FOCAD: variants seen among roughly 807,000 people sequenced by gnomAD.
The protein encoded by FOCAD is KIAA1797.
FOCAD carries 198 observed loss-of-function variants against 225.6 expected under a neutral mutation model. The ratio of observed to expected loss-of-function variants is 0.88; its 90% CI spans 0.78 to 0.99. FOCAD has a LOEUF of 0.99. FOCAD is among the 50% of genes least tolerant of loss of function. The probability of loss-of-function intolerance (pLI) is 0.00; values close to 1 mark genes in which losing one functional copy is unlikely to be tolerated. For missense variants in FOCAD, 2,713 were observed against 2,123.6 expected (o/e 1.28, Z -5.46); for synonymous variants, 897 against 755.0 (o/e 1.19, Z -3.08).
chr9:20,956,665 T>C (rs1451778705), intron 35 of FOCAD, among the ~76,000 whole-genome samples: 2 of 152,224 alleles, frequency 1.3e-5, no homozygotes, highest in Non-Finnish European at 2.9e-5. Context: ...TTCTGGACAT[T>C]TGTCAATAGC....
At chr9:20,833,959 T>G (rs1825750094) in intron 15 of FOCAD, among the ~76,000 whole-genome samples, 1 of 152,116 alleles carries the variant, frequency 6.6e-6, no homozygotes, top group Admixed American at 6.6e-5. Context: ...AACATAATTC[T>G]ACCTGATGAT....
intron 5 of FOCAD, among the ~76,000 whole-genome samples, chr9:20,746,096 C>A (rs1828012999): frequency 6.6e-6 from 1 of 152,114 alleles, no homozygotes; most frequent in Non-Finnish European, 1.5e-5. Context: ...AATAGCAAGT[C>A]CAAGATAAAT....
intron 11 of FOCAD, among the ~76,000 whole-genome samples, chr9:20,794,639 T>A (rs544021780): frequency 6.6e-6 from 1 of 152,292 alleles, no homozygotes; most frequent in East Asian, 1.9e-4. Flanking sequence ...TACCATAATA[T>A]GTTTCCAGAA....
intron 25 of FOCAD, among the ~76,000 whole-genome samples, chr9:20,924,010 G>T (rs1202144718): frequency 2.6e-5 from 4 of 152,066 alleles, no homozygotes; most frequent in African/African-American, 7.2e-5. Flanking sequence ...TGCCATAGGG[G>T]TTATCTTTTT....
intron 1 of FOCAD, among the ~76,000 whole-genome samples, chr9:20,713,657 A>G (rs1406180304): frequency 6.6e-6 from 1 of 152,252 alleles, no homozygotes; most frequent in Non-Finnish European, 1.5e-5. Flanking sequence ...ATATAACTCA[A>G]GCACCTAGAA....
intron 15 of FOCAD, among the ~76,000 whole-genome samples, chr9:20,841,899 T>A (rs1442882477): frequency 6.6e-6 from 1 of 151,986 alleles, no homozygotes; most frequent in African/African-American, 2.4e-5. Context: ...ACTATTGACT[T>A]CTATCTTAGT....
chr9:20,949,202 T>C (rs1587698600), intron 32 of FOCAD, among the ~76,000 whole-genome samples: 1 of 152,174 alleles, frequency 6.6e-6, no homozygotes, highest in South Asian at 2.1e-4. Context: ...GAAAAGATGA[T>C]TGAAGGATAA....
chr9:20,865,549 A>G (rs540807557), intron 16 of FOCAD, among the ~76,000 whole-genome samples: 1 of 152,068 alleles, frequency 6.6e-6, no homozygotes, highest in South Asian at 2.1e-4. Flanking sequence ...TGAGTTAGTC[A>G]TGCTAGATGT....
At chr9:20,939,688 C>T (rs1454154591) in intron 28 of FOCAD, among the ~76,000 whole-genome samples, 1 of 148,590 alleles carries the variant, frequency 6.7e-6, no homozygotes, top group African/African-American at 2.5e-5. Context: ...TGATTCTTAC[C>T]TTCTTTTATT....
At chr9:20,771,887 A>G (rs1818271739) in intron 8 of FOCAD, among the ~76,000 whole-genome samples, 1 of 152,332 alleles carries the variant, frequency 6.6e-6, no homozygotes, top group South Asian at 2.1e-4. Flanking sequence ...CTCGCATGAT[A>G]GGGAGAGTAT....
intron 15 of FOCAD, among the ~76,000 whole-genome samples, chr9:20,858,705 CT>C (rs1428382839): frequency 1.3e-5 from 2 of 152,020 alleles, no homozygotes; most frequent in African/African-American, 4.8e-5. Flanking sequence ...AGTTTTTCTA[CT>C]TTATTGATGT....
intron 19 of FOCAD, chr9:20,875,034 G>T: frequency 2.1e-6 from 1 of 486,712 alleles, no homozygotes; most frequent in Non-Finnish European, 3.6e-6. Context: ...GAAAACTAGT[G>T]TAAACAATTG....
intron 30 of FOCAD, 107 bp downstream of exon 30, chr9:20,946,927 T>A: frequency 7.3e-7 from 1 of 1,378,938 alleles, no homozygotes; most frequent in Non-Finnish European, 9.8e-7. Flanking sequence ...TTTTCATGTC[T>A]AGAACTGAGG....
intron 6 of FOCAD, among the ~76,000 whole-genome samples, chr9:20,763,772 T>A (rs1829818930): frequency 6.6e-6 from 1 of 152,086 alleles, no homozygotes; most frequent in African/African-American, 2.4e-5. Flanking sequence ...GGCCAAATGA[T>A]GGAGGGTGTG....
chr9:20,688,957 G>A (rs1362060458), intron 1 of FOCAD, among the ~76,000 whole-genome samples: 1 of 152,192 alleles, frequency 6.6e-6, no homozygotes, highest in Non-Finnish European at 1.5e-5. Flanking sequence ...TTTGTTACGT[G>A]CGTATGGTAA....
chr9:20,781,650 C>T (rs1819378431), intron 9 of FOCAD, 77 bp from the exon 10 acceptor site: 1 of 1,319,844 alleles, frequency 7.6e-7, no homozygotes, highest in South Asian at 1.2e-5. Flanking sequence ...TCTTGCATAT[C>T]ATTCTTAAGC....
chr9:20,771,792 G>A (rs927656290), intron 8 of FOCAD, among the ~76,000 whole-genome samples: 38 of 152,288 alleles, frequency 2.5e-4, no homozygotes, highest in African/African-American at 8.9e-4. Flanking sequence ...ATTTCTCAAA[G>A]TTCTGAAGGC....
upstream of FOCAD, among the ~76,000 whole-genome samples, chr9:20,658,109 C>T (rs1343870820): frequency 2.9e-4 from 44 of 150,324 alleles, no homozygotes; most frequent in Non-Finnish European, 4.3e-4. Flanking sequence ...GGGTCAGGGA[C>T]CCACTTGAGG....
chr9:20,691,129 G>T (rs560655768), intron 1 of FOCAD, among the ~76,000 whole-genome samples: 26 of 152,196 alleles, frequency 1.7e-4, no homozygotes, highest in East Asian at 3.9e-4. Context: ...TTTTAGTAGA[G>T]ATGGGGTTTC....
Sources: allele counts gnomAD v4.1 joint callset (sites outside exome capture counted in the v4.1 genomes callset), GRCh38; gene constraint gnomAD v4.1.1; transcripts MANE v1.5; gene names NCBI Gene and HGNC (gene_info 2026-07-23, HGNC 2026-07-21).